SLC25A21: variants seen among roughly 807,000 people sequenced by gnomAD.
SLC25A21 encodes solute carrier family 25 member 21, also known as mitochondrial 2-oxodicarboxylate carrier.
A neutral mutation model predicts 43.8 loss-of-function variants in SLC25A21; 47 were observed. The observed-to-expected ratio is 1.07, with a 90% CI of 0.85 to 1.37. SLC25A21 has a LOEUF of 1.37. SLC25A21 is among the 40% of genes most tolerant of loss of function. The probability of loss-of-function intolerance (pLI) is 0.00; values close to 1 mark genes in which losing one functional copy is unlikely to be tolerated. For missense variants in SLC25A21, 352 were observed against 350.2 expected (o/e 1.00, Z -0.04); for synonymous variants, 131 against 121.3 (o/e 1.08, Z -0.52).
chr14:36,985,679 G>GT (rs1300669682), intron 1 of SLC25A21, among the ~76,000 whole-genome samples: 1 of 152,194 alleles, frequency 6.6e-6, no homozygotes, highest in East Asian at 1.9e-4. Context: ...ATACATTGCT[G>GT]TTTCTTCATT....
chr14:37,149,400 A>G (rs1255087394), intron 1 of SLC25A21, among the ~76,000 whole-genome samples: 1 of 152,188 alleles, frequency 6.6e-6, no homozygotes, highest in African/African-American at 2.4e-5. Flanking sequence ...TTTCAACTTT[A>G]CAGAATATAA....
chr14:37,071,942 G>A (rs1313235410), intron 1 of SLC25A21, among the ~76,000 whole-genome samples: 5 of 152,114 alleles, frequency 3.3e-5, no homozygotes, highest in Non-Finnish European at 7.4e-5. Flanking sequence ...AGCACTTTGG[G>A]AGGCTGAGGT....
At chr14:37,057,741 A>T (rs1030596977) in intron 1 of SLC25A21, among the ~76,000 whole-genome samples, 2 of 152,176 alleles carry the variant, frequency 1.3e-5, no homozygotes, top group African/African-American at 4.8e-5. Context: ...TTGGTAAAAT[A>T]TTTTATTTCC....
At chr14:37,061,875 C>T (rs1288170447) in intron 1 of SLC25A21, among the ~76,000 whole-genome samples, 2 of 152,202 alleles carry the variant, frequency 1.3e-5, no homozygotes, top group Admixed American at 1.3e-4. Context: ...CTGGGAAATG[C>T]TCCAATGGCA....
At chr14:36,979,233 AT>A (rs1959955206) in intron 1 of SLC25A21, among the ~76,000 whole-genome samples, 1 of 152,088 alleles carries the variant, frequency 6.6e-6, no homozygotes, top group South Asian at 2.1e-4. Context: ...GATAGCTTAT[AT>A]TCCTATATTG....
intron 1 of SLC25A21, among the ~76,000 whole-genome samples, chr14:37,073,583 A>G (rs1962217974): frequency 2.0e-5 from 3 of 152,002 alleles, no homozygotes; most frequent in Admixed American, 2.0e-4. Context: ...CTATTAATCT[A>G]TTTTATGTAA....
At chr14:36,920,619 G>C (rs557023514) in intron 1 of SLC25A21, among the ~76,000 whole-genome samples, 15 of 152,128 alleles carry the variant, frequency 9.9e-5, no homozygotes, top group African/African-American at 3.6e-4. Flanking sequence ...ATTTTGTATA[G>C]TGATGCTACT....
chr14:36,699,208 T>A (rs1226356936), intron 7 of SLC25A21, among the ~76,000 whole-genome samples: 1 of 152,014 alleles, frequency 6.6e-6, no homozygotes, highest in East Asian at 1.9e-4. Context: ...TCTGTTGGAG[T>A]TTGCTGGAGG....
At chr14:37,024,567 G>A (rs969845957) in intron 1 of SLC25A21, among the ~76,000 whole-genome samples, 6 of 152,066 alleles carry the variant, frequency 3.9e-5, no homozygotes, top group Admixed American at 1.3e-4. Context: ...CTCTCAGTAC[G>A]TTTACCCTTT....
At position 36,938,401 on chromosome 14, in the gene SLC25A21, C is replaced by T. The variant is rs1321272095; in HGVS notation, c.71-63397G>A. 3.9e-5 allele frequency among the ~76,000 whole-genome samples: 6 copies of T among 152,162 alleles called. No homozygotes were observed. In the East Asian group the frequency reaches 9.7e-4, roughly 25 times the overall value. On this transcript the variant is annotated intron_variant, in intron 1 of 9. Transcript: ENST00000331299. The stretch of plus-strand genomic sequence containing the variant: ...GACACAGCTCTTCATAAGGCAAAGA[C>T]CACCTTGTGCATTAATTAGGGCAAA...
chr14:37,045,331 G>A (rs1961564975), intron 1 of SLC25A21, among the ~76,000 whole-genome samples: 1 of 152,198 alleles, frequency 6.6e-6, no homozygotes, highest in Admixed American at 6.5e-5. Flanking sequence ...TATAGAATTA[G>A]TAGATCCTAT....
intron 1 of SLC25A21, among the ~76,000 whole-genome samples, chr14:36,912,411 C>CT: frequency 6.6e-6 from 1 of 152,244 alleles, no homozygotes; most frequent in South Asian, 2.1e-4. Context: ...TTCAGGGTCC[C>CT]TGTCTGCCCC....
At chr14:36,728,501 G>A (rs117691185) in intron 5 of SLC25A21, among the ~76,000 whole-genome samples, 2,598 of 152,270 alleles carry the variant, frequency 0.017, 27 homozygotes, top group Non-Finnish European at 0.028. Context: ...AGCTAGTTTC[G>A]AGATTCATGG....
intron 1 of SLC25A21, chr14:37,098,248 T>G (rs906993174): frequency 3.3e-5 from 5 of 152,218 alleles, no homozygotes; most frequent in African/African-American, 7.2e-5. Flanking sequence ...GGTAAGTTTG[T>G]AATTAGAATG....
At chr14:37,048,323 C>T (rs1961631870) in intron 1 of SLC25A21, among the ~76,000 whole-genome samples, 1 of 152,112 alleles carries the variant, frequency 6.6e-6, no homozygotes, top group Non-Finnish European at 1.5e-5. Flanking sequence ...TTTTCATATG[C>T]AAGACCACCA....
intron 1 of SLC25A21, among the ~76,000 whole-genome samples, chr14:37,066,625 C>A (rs1217449508): frequency 1.3e-5 from 2 of 151,910 alleles, no homozygotes; most frequent in Non-Finnish European, 2.9e-5. Context: ...GGTTAAGGAC[C>A]ATGATGTATG....
At chr14:36,713,199 G>A (rs1200370696) in intron 6 of SLC25A21, among the ~76,000 whole-genome samples, 1 of 152,092 alleles carries the variant, frequency 6.6e-6, no homozygotes, top group African/African-American at 2.4e-5. Context: ...AGAAACCAAC[G>A]GCTCTAAAAT....
At chr14:36,906,329 C>A (rs971667620) in intron 1 of SLC25A21, among the ~76,000 whole-genome samples, 1 of 151,912 alleles carries the variant, frequency 6.6e-6, no homozygotes, top group Non-Finnish European at 1.5e-5. Context: ...TCCCCCAAAT[C>A]AGAGAGAATT....
chr14:37,123,550 C>G (rs1963247522), intron 1 of SLC25A21, among the ~76,000 whole-genome samples: 1 of 152,086 alleles, frequency 6.6e-6, no homozygotes, highest in African/African-American at 2.4e-5. Context: ...AAAGAACAAT[C>G]ATATAGCCAA....
Sources: gnomAD v4.1 joint callset for allele counts (sites outside exome capture counted in the v4.1 genomes callset) on GRCh38, gnomAD v4.1.1 for gene constraint, MANE v1.5 for transcripts, NCBI Gene and HGNC (gene_info 2026-07-23, HGNC 2026-07-21) for gene names.